Variants in DSCAM observed in about 807,000 individuals in gnomAD.
DSCAM encodes cell adhesion molecule DSCAM.
In DSCAM, 47 loss-of-function variants were observed where a neutral mutation model predicts 217.7. The observed-to-expected ratio is 0.22, with a 90% CI of 0.17 to 0.28. The LOEUF is 0.28. DSCAM is among the 10% of genes least tolerant of loss of function. The probability of loss-of-function intolerance (pLI) is 1.00; values close to 1 mark genes in which losing one functional copy is unlikely to be tolerated. For missense variants in DSCAM, 2,080 were observed against 2,618.3 expected (o/e 0.79, Z 4.49); for synonymous variants, 1,056 against 1,015.3 (o/e 1.04, Z -0.76).
chr21:40,613,694 C>T (rs1314637889), intron 3 of DSCAM, among the ~76,000 whole-genome samples: 4 of 151,932 alleles, frequency 2.6e-5, no homozygotes, highest in African/African-American at 9.7e-5. Context: ...TTAGGGGGAT[C>T]TGTAGCTACT....
At chr21:40,272,742 A>G (rs184626941) in intron 11 of DSCAM, among the ~76,000 whole-genome samples, 114 of 152,290 alleles carry the variant, frequency 7.5e-4, no homozygotes, top group Non-Finnish European at 4.9e-4. Flanking sequence ...ACATCATCCA[A>G]TTAGACAGCA....
chr21:40,033,219 A>T (rs917060475), intron 32 of DSCAM, among the ~76,000 whole-genome samples: 1 of 152,174 alleles, frequency 6.6e-6, no homozygotes, highest in Non-Finnish European at 1.5e-5. Flanking sequence ...TCCCAGCCTG[A>T]GCGACGCAGA....
At chr21:40,420,477 G>A (rs1213377111) in intron 3 of DSCAM, among the ~76,000 whole-genome samples, 1 of 152,158 alleles carries the variant, frequency 6.6e-6, no homozygotes, top group African/African-American at 2.4e-5. Context: ...AGGGAATCAA[G>A]TCAAACTTTA....
At position 40,413,693 on chromosome 21, in the gene DSCAM, C is replaced by T. The variant is rs540434561; in HGVS notation, c.509-44448G>A. Among the ~76,000 whole-genome samples the T allele has an allele frequency of 5.3e-5, 8 of 152,326 alleles. No individual in the cohort carries two copies. In the South Asian group the frequency reaches 1.7e-3, roughly 32 times the overall value. The stretch of plus-strand genomic sequence containing the variant: ...GAACAAAGTGAAAGGATTTAGACTA[C>T]TTGGTTTTAAGACTCATTATAGAGT... On this transcript the variant is annotated intron_variant, in intron 3 of 32. Transcript: ENST00000400454.
chr21:40,371,563 T>A (rs1476088323), intron 3 of DSCAM, among the ~76,000 whole-genome samples: 1 of 152,172 alleles, frequency 6.6e-6, no homozygotes, highest in Non-Finnish European at 1.5e-5. Context: ...GGTTGAGAAA[T>A]GCACACAGAT....
intron 18 of DSCAM, among the ~76,000 whole-genome samples, chr21:40,139,852 T>C (rs2146707291): frequency 6.7e-6 from 1 of 150,368 alleles, no homozygotes; most frequent in South Asian, 2.1e-4. Context: ...GTGTGGTGTA[T>C]GTGGGGTGTG....
At chr21:40,064,757 G>A (rs7276083) in intron 27 of DSCAM, among the ~76,000 whole-genome samples, 27,990 of 152,170 alleles carry the variant, frequency 0.18, 2,992 homozygotes, top group Non-Finnish European at 0.25. Context: ...CAATTTGACT[G>A]GACAGAGAAG....
At chr21:40,398,620 T>C (rs2075203573) in intron 3 of DSCAM, among the ~76,000 whole-genome samples, 1 of 149,908 alleles carries the variant, frequency 6.7e-6, no homozygotes, top group African/African-American at 2.4e-5. Flanking sequence ...GAAGTTTCTT[T>C]CCTTTCTTTT....
chr21:40,545,350 T>C (rs2076573488), intron 3 of DSCAM, among the ~76,000 whole-genome samples: 1 of 152,160 alleles, frequency 6.6e-6, no homozygotes, highest in Admixed American at 6.5e-5. Context: ...TTATTAATCT[T>C]CACAAATCAG....
chr21:40,821,099 T>TATATATCTTCACATATATATAGATAC (rs2091922148), intron 1 of DSCAM, among the ~76,000 whole-genome samples: 2 of 144,982 alleles, frequency 1.4e-5, no homozygotes, highest in African/African-American at 2.6e-5. Flanking sequence ...TAGAGAGATA[T>TATATATCTTCACATATATATAGATAC]ATATATCTTC....
chr21:40,284,965 C>G (rs1027821371), intron 10 of DSCAM, among the ~76,000 whole-genome samples: 2 of 152,212 alleles, frequency 1.3e-5, no homozygotes, highest in African/African-American at 4.8e-5. Flanking sequence ...AGTGTCTAAT[C>G]AGGATTTGTT....
chr21:40,682,809 G>A lies in DSCAM; in HGVS notation c.508+10001C>T, dbSNP rs1173438455. Reference sequence around the variant, plus strand: ...GGGAGGGGAGGGAAGGGAAGGGAAGGGAAGGGAAGGGAAGGGAAGGGAAGG... The same window carrying A: ...GGGAGGGGAGGGAAGGGAAGGGAAGAGAAGGGAAGGGAAGGGAAGGGAAGG... On this transcript the variant is annotated intron_variant, in intron 3 of 32. Transcript: ENST00000400454. 3.7e-3 allele frequency among the ~76,000 whole-genome samples: 61 copies of A among 16,468 alleles called. 12 individuals carry two copies. Among genetic ancestry groups the A allele is most frequent in the Admixed American group, 4.9e-3 (7 of 1,418 alleles). The allele number at this position is 16,468 out of a possible 152,430, so 10.8% of individuals were successfully genotyped here.
intron 30 of DSCAM, among the ~76,000 whole-genome samples, chr21:40,048,113 C>G (rs1021243041): frequency 2.6e-5 from 4 of 152,188 alleles, no homozygotes; most frequent in African/African-American, 9.7e-5. Context: ...GTCAGACAGA[C>G]CTGACTAATC....
chr21:40,699,664 TGCCTTAAGCGAAA>T (rs1477647353), intron 2 of DSCAM, among the ~76,000 whole-genome samples: 1 of 152,180 alleles, frequency 6.6e-6, no homozygotes, highest in East Asian at 1.9e-4. Flanking sequence ...GCCACAACAT[TGCCTTAAGCGAAA>T]GCCTAAATCA....
chr21:40,150,280 GT>G (rs2090411065), intron 16 of DSCAM, among the ~76,000 whole-genome samples: 1 of 152,166 alleles, frequency 6.6e-6, no homozygotes, highest in South Asian at 2.1e-4. Context: ...TGTTAGTTTT[GT>G]AAAGTAATAG....
At chr21:40,065,673 G>A (rs1241120902) in intron 27 of DSCAM, among the ~76,000 whole-genome samples, 3 of 152,058 alleles carry the variant, frequency 2.0e-5, no homozygotes, top group Non-Finnish European at 2.9e-5. Flanking sequence ...TGCCTTCCAG[G>A]TCTGCAGGTC....
intron 3 of DSCAM, among the ~76,000 whole-genome samples, chr21:40,654,828 C>T (rs933328422): frequency 9.2e-5 from 14 of 152,194 alleles, no homozygotes; most frequent in African/African-American, 3.4e-4. Flanking sequence ...TTAATCACAT[C>T]TGCAAAATCC....
At chr21:40,496,766 G>A (rs1162193551) in intron 3 of DSCAM, among the ~76,000 whole-genome samples, 1 of 151,964 alleles carries the variant, frequency 6.6e-6, no homozygotes, top group Admixed American at 6.6e-5. Context: ...ATATCTAAAA[G>A]ATATAAGGAA....
intron 11 of DSCAM, among the ~76,000 whole-genome samples, chr21:40,248,058 A>G (rs2073250017): frequency 6.6e-6 from 1 of 152,098 alleles, no homozygotes; most frequent in Non-Finnish European, 1.5e-5. Context: ...CCTTTTAGTC[A>G]TGGCTGGAGT....
Sources: allele counts gnomAD v4.1 joint callset (sites outside exome capture counted in the v4.1 genomes callset), GRCh38; gene constraint gnomAD v4.1.1; transcripts MANE v1.5; gene names NCBI Gene and HGNC (gene_info 2026-07-23, HGNC 2026-07-21).